MOK: variants seen among roughly 807,000 people sequenced by gnomAD.
MOK encodes the protein MAPK/MAK/MRK overlapping kinase.
A neutral mutation model predicts 54.2 loss-of-function variants in MOK; 59 were observed. The ratio of observed to expected loss-of-function variants is 1.09; its 90% confidence interval spans 0.88 to 1.35. The LOEUF is 1.35. Among genes scored for constraint, MOK ranks in the 40% most tolerant of loss-of-function variants. MOK has a pLI of 0.00. For synonymous variants in MOK, 210 were observed against 202.7 expected, an observed-to-expected ratio of 1.04 and a Z score of -0.31; for missense variants, 517 against 526.2, an observed-to-expected ratio of 0.98 and a Z score of 0.17.
At chr14:102,222,658 C>T (rs1457252032), downstream of MOK, among the ~76,000 whole-genome samples, 4 of 152,186 alleles carry the variant, frequency 2.6e-5, no homozygotes, top group Non-Finnish European at 2.9e-5. This position sits in a 1 kb window ranked among gnomAD's most constrained non-coding sequence, Gnocchi z 4.4. Context: ...AGGAATGGAA[C>T]GCAGTGATCT....
intron 1 of MOK, among the ~76,000 whole-genome samples, chr14:102,300,409 C>T (rs2072047800): frequency 7.1e-6 from 1 of 139,942 alleles, no homozygotes; most frequent in African/African-American, 2.7e-5. Flanking sequence ...ATTAGCTGGG[C>T]GAGGAGGCAC....
chr14:102,262,131 G>A (rs1398967230), intron 4 of MOK, among the ~76,000 whole-genome samples: 3 of 151,222 alleles, frequency 2.0e-5, no homozygotes, highest in African/African-American at 4.9e-5. Flanking sequence ...GTGAGCCACC[G>A]CGCCCAGCCC....
chr14:102,303,150 G>A (rs1402843081), intron 1 of MOK, among the ~76,000 whole-genome samples: 1 of 150,710 alleles, frequency 6.6e-6, no homozygotes, highest in African/African-American at 2.4e-5. Context: ...GACACAGAGA[G>A]ACCCTGTCCA....
intron 1 of MOK, among the ~76,000 whole-genome samples, chr14:102,297,678 T>C (rs977864161): frequency 6.6e-6 from 1 of 151,494 alleles, no homozygotes; most frequent in Admixed American, 6.6e-5. Context: ...CACCGCGAGG[T>C]GTGGAGGGAG....
intron 2 of MOK, among the ~76,000 whole-genome samples, chr14:102,276,460 G>C (rs145185136): frequency 6.6e-6 from 1 of 152,096 alleles, no homozygotes; most frequent in African/African-American, 2.4e-5. Context: ...CTGGGTGATA[G>C]AGCGACACTC....
chr14:102,222,869 G>A, downstream of MOK: 2 of 1,614,208 alleles, frequency 1.2e-6, no homozygotes, highest in Non-Finnish European at 1.7e-6. This position sits in a 1 kb window ranked among gnomAD's most constrained non-coding sequence, Gnocchi z 4.4. Flanking sequence ...TTCTCCAGGT[G>A]GAACTGTAGT....
At chr14:102,275,256 T>G (rs570898677) in intron 2 of MOK, among the ~76,000 whole-genome samples, 1 of 152,124 alleles carries the variant, frequency 6.6e-6, no homozygotes, top group East Asian at 1.9e-4. Flanking sequence ...CCGCTCACCA[T>G]TCACAAAAAT....
chr14:102,298,730 A>C (rs1444785125), intron 1 of MOK, among the ~76,000 whole-genome samples: 1 of 152,138 alleles, frequency 6.6e-6, no homozygotes, highest in Admixed American at 6.5e-5. Flanking sequence ...GTCCCCTTCC[A>C]CAATGTGGAA....
At chr14:102,217,013 G>A in the MOK span, among the ~76,000 whole-genome samples, 4 of 152,322 alleles carry the variant, frequency 2.6e-5, no homozygotes, top group African/African-American at 7.2e-5. Context: ...CTCTGGAGAC[G>A]AATGGACCAT....
chr14:102,302,972 G>T (rs1319322055), intron 1 of MOK, among the ~76,000 whole-genome samples: 1 of 151,492 alleles, frequency 6.6e-6, no homozygotes, highest in Non-Finnish European at 1.5e-5. Context: ...GACCAGCCTG[G>T]CCAACATGTT....
intron 1 of MOK, among the ~76,000 whole-genome samples, chr14:102,298,463 T>C (rs1385072318): frequency 6.6e-6 from 1 of 152,062 alleles, no homozygotes; most frequent in Non-Finnish European, 1.5e-5. Context: ...ATCAGCACCC[T>C]GTATCTAGCT....
chr14:102,300,122 G>A (rs578050910), intron 1 of MOK, among the ~76,000 whole-genome samples: 1 of 151,898 alleles, frequency 6.6e-6, no homozygotes, highest in African/African-American at 2.4e-5. Context: ...TCAGGAGTTC[G>A]AGACCAGCCT....
intron 4 of MOK, among the ~76,000 whole-genome samples, chr14:102,254,587 C>G (rs940841037): frequency 6.6e-6 from 1 of 152,116 alleles, no homozygotes; most frequent in Non-Finnish European, 1.5e-5. Context: ...CTCAAGACCC[C>G]CTTCAACCAA....
At chr14:102,302,399 A>G (rs1412879613) in intron 1 of MOK, among the ~76,000 whole-genome samples, 1 of 151,582 alleles carries the variant, frequency 6.6e-6, no homozygotes, top group East Asian at 1.9e-4. Context: ...ATATATATAT[A>G]CGCATATATA....
the MOK span, among the ~76,000 whole-genome samples, chr14:102,217,493 CA>C: frequency 6.6e-6 from 1 of 152,200 alleles, no homozygotes; most frequent in Non-Finnish European, 1.5e-5. Context: ...TGTCACCTGT[CA>C]GTGGACAGGT....
At chr14:102,275,424 C>G (rs765633436) in intron 2 of MOK, among the ~76,000 whole-genome samples, 100 of 152,020 alleles carry the variant, frequency 6.6e-4, no homozygotes, top group Non-Finnish European at 1.1e-3. Flanking sequence ...ATTAGCCGGG[C>G]GTGGTGGTGG....
intron 2 of MOK, among the ~76,000 whole-genome samples, chr14:102,268,879 CA>C (rs1219866761): frequency 6.7e-6 from 1 of 149,726 alleles, no homozygotes; most frequent in African/African-American, 2.5e-5. Context: ...CACGCCACTG[CA>C]CTCCAGCCTG....
chr14:102,287,568 T>A (rs1287763095), intron 1 of MOK, among the ~76,000 whole-genome samples: 1 of 152,074 alleles, frequency 6.6e-6, no homozygotes, highest in Admixed American at 6.6e-5. Context: ...GATCAAAAGA[T>A]TTGACAGATA....
At chr14:102,261,279 T>G (rs1209467457) in intron 4 of MOK, among the ~76,000 whole-genome samples, 4 of 121,344 alleles carry the variant, frequency 3.3e-5, no homozygotes, top group Non-Finnish European at 4.9e-5. Context: ...ATTAGCCAAG[T>G]GTGGTAGCAC....
Sources: allele counts gnomAD v4.1 joint callset (sites outside exome capture counted in the v4.1 genomes callset), GRCh38; gene constraint gnomAD v4.1.1; non-coding constraint Gnocchi (gnomAD v3.1); transcripts MANE v1.5; gene names NCBI Gene and HGNC (gene_info 2026-07-23, HGNC 2026-07-21).